The following FSTL5 variants were observed in gnomAD, a reference collection of about 807,000 sequenced individuals.
FSTL5 encodes follistatin like 5, also known as follistatin-related protein 5.
FSTL5 carries 62 observed loss-of-function variants against 89.1 expected under a neutral mutation model. That is an observed-to-expected ratio of 0.70 (90% confidence interval 0.57 to 0.86). The LOEUF is 0.86. FSTL5 is among the 40% of genes least tolerant of loss of function. The pLI is 0.00. For synonymous variants in FSTL5, 383 were observed against 346.2 expected, an observed-to-expected ratio of 1.11 and a Z score of -1.18; for missense variants, 1,057 against 1,001.6, an observed-to-expected ratio of 1.06 and a Z score of -0.75.
chr4:161,512,844 C>T (rs2126503269), intron 10 of FSTL5, among the ~76,000 whole-genome samples: 1 of 152,024 alleles, frequency 6.6e-6, no homozygotes, highest in Non-Finnish European at 1.5e-5. Flanking sequence ...ATATCACTCT[C>T]AATATTTGAA....
Position 161,844,746 on chromosome 4 carries a change from CACATGGACACAGGGAGGGGA to C in FSTL5, c.410-68692_410-68673del, listed in dbSNP as rs1193421155. Among the ~76,000 whole-genome samples the C allele has an allele frequency of 3.9e-5, 6 of 152,178 alleles. 1 individual carries two copies. Among genetic ancestry groups the C allele is most frequent in the Non-Finnish European group, 7.4e-5 (5 of 68,020 alleles). ...TAAGTGGGAGTTGAGCAAATGAGAA[CACATGGACACAGGGAGGGGA>C]ACATCACACACTGGGGCCTGTCGGG... On this transcript the variant is annotated intron_variant, in intron 4 of 15. Transcript: ENST00000306100.
intron 3 of FSTL5, among the ~76,000 whole-genome samples, chr4:162,014,262 C>T (rs1224320314): frequency 1.3e-5 from 2 of 152,192 alleles, no homozygotes; most frequent in Admixed American, 1.3e-4. Context: ...CAGTTATTTG[C>T]TATTTGCAAT....
intron 7 of FSTL5, among the ~76,000 whole-genome samples, chr4:161,595,935 G>A (rs1733999023): frequency 6.6e-6 from 1 of 151,776 alleles, no homozygotes; most frequent in Non-Finnish European, 1.5e-5. Context: ...TATAAAATAT[G>A]TTTTGATATA....
chr4:161,941,266 G>A (rs992946389), intron 3 of FSTL5, among the ~76,000 whole-genome samples: 1 of 151,778 alleles, frequency 6.6e-6, no homozygotes, highest in Non-Finnish European at 1.5e-5. Context: ...TATGTAAGAT[G>A]TATGAAAAAT....
At chr4:161,727,611 C>T (rs1292424576) in intron 6 of FSTL5, among the ~76,000 whole-genome samples, 1 of 152,188 alleles carries the variant, frequency 6.6e-6, no homozygotes, top group Non-Finnish European at 1.5e-5. Flanking sequence ...ACCCCTGACC[C>T]TAACCCTGCA....
chr4:162,070,472 G>T (rs1183766833), intron 2 of FSTL5, among the ~76,000 whole-genome samples: 1 of 151,804 alleles, frequency 6.6e-6, no homozygotes, highest in Non-Finnish European at 1.5e-5. Context: ...TCTACAGGTT[G>T]CATAGTTTTG....
chr4:162,081,226 T>C (rs1730085751), intron 2 of FSTL5, among the ~76,000 whole-genome samples: 2 of 151,596 alleles, frequency 1.3e-5, no homozygotes, highest in Non-Finnish European at 3.0e-5. Flanking sequence ...CCAGAGTCAG[T>C]AGCACCAAAA....
At chr4:161,659,977 C>G (rs1736649975) in intron 6 of FSTL5, among the ~76,000 whole-genome samples, 1 of 152,094 alleles carries the variant, frequency 6.6e-6, no homozygotes, top group Admixed American at 6.6e-5. Context: ...TATCATGTGT[C>G]CAGAGTCACC....
intron 3 of FSTL5, among the ~76,000 whole-genome samples, chr4:161,977,630 A>T (rs374734542): frequency 0.31 from 24,139 of 77,500 alleles, 2,591 homozygotes; most frequent in Middle Eastern, 0.47. Flanking sequence ...AAAAAAAAAA[A>T]AAAAAAAAAA....
chr4:161,774,711 T>A (rs900422396), intron 5 of FSTL5, among the ~76,000 whole-genome samples: 43 of 152,122 alleles, frequency 2.8e-4, no homozygotes, highest in Non-Finnish European at 5.0e-4. Flanking sequence ...ATATATATGT[T>A]AGGCACACAT....
chr4:161,513,569 C>A (rs1730723478), intron 10 of FSTL5, among the ~76,000 whole-genome samples: 1 of 152,022 alleles, frequency 6.6e-6, no homozygotes, highest in Non-Finnish European at 1.5e-5. Context: ...TTCACAATAG[C>A]AAAGATATGA....
chr4:161,501,405 T>C (rs1342263773), intron 11 of FSTL5, among the ~76,000 whole-genome samples: 1 of 152,016 alleles, frequency 6.6e-6, no homozygotes, highest in Non-Finnish European at 1.5e-5. Context: ...CAACAATTTT[T>C]CCCATATAAC....
At chr4:161,550,774 C>T (rs1732179997) in intron 8 of FSTL5, among the ~76,000 whole-genome samples, 2 of 151,824 alleles carry the variant, frequency 1.3e-5, no homozygotes, top group Admixed American at 1.3e-4. Context: ...TGATGTTCCC[C>T]TTCCTGTGTC....
chr4:161,636,387 A>T (rs1342437699), intron 7 of FSTL5, among the ~76,000 whole-genome samples: 1 of 151,402 alleles, frequency 6.6e-6, no homozygotes, highest in East Asian at 1.9e-4. Context: ...AACATTATCC[A>T]TAATCTCTTG....
chr4:161,586,124 C>T (rs1733608471), intron 8 of FSTL5, among the ~76,000 whole-genome samples: 1 of 152,126 alleles, frequency 6.6e-6, no homozygotes. Context: ...ACAGGGTCCT[C>T]CTTCTCAGTG....
intron 3 of FSTL5, among the ~76,000 whole-genome samples, chr4:161,955,208 T>A (rs1223419507): frequency 6.6e-6 from 1 of 151,736 alleles, no homozygotes; most frequent in Non-Finnish European, 1.5e-5. Context: ...GGAAAAACAA[T>A]GTCCCCTACA....
At chr4:162,033,810 T>C (rs1035163479) in intron 2 of FSTL5, 152 bp from the exon 3 acceptor site, 17 of 532,204 alleles carry the variant, frequency 3.2e-5, no homozygotes, top group Non-Finnish European at 4.9e-5. Context: ...ACATATAATT[T>C]TTTTTTGAGA....
Position 161,656,509 on chromosome 4 carries a change from T to G in FSTL5, c.728-15A>C, listed in dbSNP as rs1736524273. On this transcript the variant is annotated splice_polypyrimidine_tract_variant and intron_variant, in intron 6 of 15. Transcript: ENST00000306100. ...CTGGATCACTTCTGTAAAGATGAAG[T>G]GTCAGTAATGTTGATGAGCATTTAG... The G allele has an allele frequency of 6.7e-7, 1 of 1,486,312 alleles. No homozygotes were observed. Among genetic ancestry groups the G allele is most frequent in the African/African-American group, 1.4e-5 (1 of 69,956 alleles). The allele number at this position is 1,486,312 out of a possible 1,614,324, so 92.1% of individuals were successfully genotyped here.
intron 9 of FSTL5, among the ~76,000 whole-genome samples, chr4:161,540,048 C>G (rs1373206013): frequency 6.6e-6 from 1 of 151,802 alleles, no homozygotes; most frequent in Middle Eastern, 3.2e-3. Context: ...GTCCCATTGT[C>G]TTTCCTTCTC....
Sources: allele counts gnomAD v4.1 joint callset (sites outside exome capture counted in the v4.1 genomes callset), GRCh38; gene constraint gnomAD v4.1.1; transcripts MANE v1.5; gene names NCBI Gene and HGNC (gene_info 2026-07-23, HGNC 2026-07-21).